The following SLK variants were observed in gnomAD, a reference collection of about 807,000 sequenced individuals.
SLK encodes STE20-like serine/threonine-protein kinase.
A neutral mutation model predicts 147.7 loss-of-function variants in SLK; 67 were observed. The ratio of observed to expected loss-of-function variants is 0.45; its 90% CI spans 0.37 to 0.56. SLK has a LOEUF of 0.56. Ranked by LOEUF, SLK falls within the 20% of genes least tolerant of loss-of-function variation. The pLI is 0.00. For synonymous variants in SLK, 441 were observed against 475.0 expected (o/e 0.93, Z 0.93); for missense variants, 1,136 against 1,438.8 (o/e 0.79, Z 3.41).
Position 103,978,788 on chromosome 10 carries a change from CCAGCTTAT to C in SLK, c.150+10899_150+10906del, listed in dbSNP as rs903100456. Among the ~76,000 whole-genome samples, 9 of 152,156 alleles carry C rather than the reference CCAGCTTAT, an allele frequency of 5.9e-5. 1 individual carries two copies. Among genetic ancestry groups the C allele is most frequent in the Admixed American group, 3.9e-4 (6 of 15,298 alleles). On this transcript the variant is annotated intron_variant, in intron 1 of 18. Coordinates refer to ENST00000369755, the MANE Select transcript of SLK (RefSeq NM_014720.4). ...TAAGATGATCAACTTTTCCAATTTA[CCAGCTTAT>C]CAGCTCACATTTCTTCCTATAAATC... is the stretch of plus-strand genomic sequence containing the variant.
At chr10:103,990,449 G>A (rs1397437388) in intron 1 of SLK, among the ~76,000 whole-genome samples, 7 of 152,112 alleles carry the variant, frequency 4.6e-5, no homozygotes, top group Non-Finnish European at 1.0e-4. Flanking sequence ...TACTTTCCAC[G>A]CAATTTTGCT....
Position 104,015,620 on chromosome 10 carries a change from A to G in SLK, c.2878-2540A>G, listed in dbSNP as rs1589545130. Among the ~76,000 whole-genome samples, 8 of 152,322 alleles carry G rather than the reference A, an allele frequency of 5.3e-5. 2 individuals are homozygous for G. Among genetic ancestry groups the G allele is most frequent in the Admixed American group, 5.2e-4 (8 of 15,298 alleles). On this transcript the variant is annotated intron_variant, in intron 13 of 18. Transcript: ENST00000369755. Reference sequence around the variant, plus strand: ...AGAACTCTCTTTCATTAATTTTAGTAACCTTCTAAGTAGTATAGTGTCCAC... The same window carrying G: ...AGAACTCTCTTTCATTAATTTTAGTGACCTTCTAAGTAGTATAGTGTCCAC...
Position 104,025,511 on chromosome 10 carries a change from G to T in SLK, c.3562-63G>T, listed in dbSNP as rs1348477934. The T allele has an allele frequency of 4.7e-6, 7 of 1,490,636 alleles. No homozygotes were observed. In the East Asian group the frequency reaches 1.4e-4, roughly 29 times the overall value. The allele number at this position is 1,490,636 out of a possible 1,614,324, so 92.3% of individuals were successfully genotyped here. On this transcript the variant is annotated intron_variant, in intron 18 of 18. Coordinates refer to ENST00000369755, the MANE Select transcript of SLK (RefSeq NM_014720.4). ...TTGGACAAGTAGTTTTATCTTGGCT[G>T]TCAGCATAAATTCTATATATAATAC...
At chr10:104,024,133 C>A (rs1478255730) in intron 18 of SLK, among the ~76,000 whole-genome samples, 1 of 152,184 alleles carries the variant, frequency 6.6e-6, no homozygotes, top group Non-Finnish European at 1.5e-5. Flanking sequence ...TTTTTCATTT[C>A]TGTCACACCC....
At chr10:103,984,091 A>G (rs753213411) in intron 1 of SLK, among the ~76,000 whole-genome samples, 10 of 152,190 alleles carry the variant, frequency 6.6e-5, no homozygotes, top group East Asian at 1.9e-4. Context: ...AAAATAATCA[A>G]TGTGATTTTC....
At chr10:104,009,990 TTTCA>T (rs1281384365) in intron 12 of SLK, among the ~76,000 whole-genome samples, 3 of 152,190 alleles carry the variant, frequency 2.0e-5, no homozygotes, top group Admixed American at 2.0e-4. Flanking sequence ...CATGATTGTT[TTTCA>T]TAGTTGGATT....
At chr10:103,988,688 A>G (rs1484675267) in intron 1 of SLK, among the ~76,000 whole-genome samples, 13 of 152,188 alleles carry the variant, frequency 8.5e-5, no homozygotes, top group Non-Finnish European at 1.8e-4. Context: ...AGGTAATAAT[A>G]TATCATGGGG....
At chr10:104,007,902 T>C (rs1257873634) in intron 11 of SLK, among the ~76,000 whole-genome samples, 1 of 144,658 alleles carries the variant, frequency 6.9e-6, no homozygotes, top group Non-Finnish European at 1.5e-5. Flanking sequence ...CAGTGAACTG[T>C]GATTGTGCAA....
At chr10:103,982,616 C>T (rs1046735793) in intron 1 of SLK, among the ~76,000 whole-genome samples, 2 of 152,082 alleles carry the variant, frequency 1.3e-5, no homozygotes, top group African/African-American at 4.8e-5. Flanking sequence ...ACAGTCGATC[C>T]TCATTATTTG....
intron 1 of SLK, among the ~76,000 whole-genome samples, chr10:103,973,190 CTAGAA>C (rs1843816708): frequency 6.6e-6 from 1 of 152,044 alleles, no homozygotes; most frequent in Non-Finnish European, 1.5e-5. Context: ...TATAATCTAC[CTAGAA>C]TAGATGTTTG....
chr10:104,005,957 A>G lies in SLK; in HGVS notation c.2526A>G (p.Gln842=), dbSNP rs1844319594. ...TAAGATTTCTTCAGAAAGAAGAGCA[A>G]AGAGCCCAACAACAGCTCAATAGCA... The part of the protein sequence containing the change: ...RELRFLQKEE[Q]RAQQQLNSKL... The change falls in exon 11 of 19, where the codon CAA becomes CAG. Residue 842 remains glutamine (Q), a synonymous_variant. Coordinates refer to ENST00000369755, the MANE Select transcript of SLK (RefSeq NM_014720.4). 13 of 1,612,288 alleles carry G rather than the reference A, an allele frequency of 8.1e-6. No homozygotes were observed. The highest frequency in any genetic ancestry group is 1.1e-5 in the Non-Finnish European group (13 of 1,179,514).
intron 14 of SLK, 116 bp downstream of exon 14, chr10:104,018,405 T>C: frequency 1.2e-5 from 11 of 944,020 alleles, no homozygotes; most frequent in South Asian, 9.5e-5. Context: ...GCTGGAAATA[T>C]ATCTGAATAA....
intron 12 of SLK, among the ~76,000 whole-genome samples, chr10:104,009,890 T>C (rs542693292): frequency 6.6e-6 from 1 of 152,276 alleles, no homozygotes; most frequent in South Asian, 2.1e-4. Flanking sequence ...AAATACACGA[T>C]GTTAAATCAA....
Position 104,002,152 on chromosome 10 carries a change from A to G in SLK, c.994-20A>G. 6.5e-7 allele frequency: 1 copy of G among 1,541,900 alleles called. No individual in the cohort carries two copies. Among genetic ancestry groups the G allele is most frequent in the East Asian group, 2.3e-5 (1 of 44,250 alleles). ...CTAAGGTCATGTTTTAACACTAAAAATACATTAAATCTTTTTTAGCCAATA... is the reference window on the plus strand; with the variant it reads ...CTAAGGTCATGTTTTAACACTAAAAGTACATTAAATCTTTTTTAGCCAATA... On this transcript the variant is annotated intron_variant, in intron 8 of 18. Transcript: ENST00000369755.
intron 1 of SLK, among the ~76,000 whole-genome samples, chr10:103,987,067 G>A (rs2134463469): frequency 6.6e-6 from 1 of 152,262 alleles, no homozygotes; most frequent in Middle Eastern, 3.4e-3. Context: ...GTAGAGAATA[G>A]TGTCACACAC....
At chr10:103,987,313 C>G (rs1564653262) in intron 1 of SLK, among the ~76,000 whole-genome samples, 1 of 151,880 alleles carries the variant, frequency 6.6e-6, no homozygotes, top group Non-Finnish European at 1.5e-5. Context: ...TTCATGCCAG[C>G]CCATTCACAA....
chr10:103,986,858 A>G (rs983877757), intron 1 of SLK, among the ~76,000 whole-genome samples: 5 of 151,760 alleles, frequency 3.3e-5, no homozygotes, highest in African/African-American at 9.7e-5. Context: ...TTGTATTTTT[A>G]GTAGGAATGG....
chr10:103,991,830 T>C (rs1844097525), intron 2 of SLK, among the ~76,000 whole-genome samples: 1 of 152,050 alleles, frequency 6.6e-6, no homozygotes, highest in Non-Finnish European at 1.5e-5. Flanking sequence ...TCTGAAATTA[T>C]TGTTCAGGGC....
intron 12 of SLK, among the ~76,000 whole-genome samples, chr10:104,009,264 A>G (rs148602522): frequency 2.0e-5 from 3 of 152,286 alleles, no homozygotes; most frequent in African/African-American, 7.2e-5. Context: ...TAGGGTTGGA[A>G]CAAACAGAAA....
Sources: allele counts gnomAD v4.1 joint callset (sites outside exome capture counted in the v4.1 genomes callset), GRCh38; gene constraint gnomAD v4.1.1; transcripts MANE v1.5; gene names NCBI Gene and HGNC (gene_info 2026-07-23, HGNC 2026-07-21).